Variants in CARS2 observed in about 807,000 individuals in gnomAD.
CARS2 encodes probable cysteine--tRNA ligase, mitochondrial.
Under a neutral mutation model 68.8 loss-of-function variants are expected in CARS2, and 52 were observed. The ratio of observed to expected loss-of-function variants is 0.76; its 90% CI spans 0.61 to 0.95. The LOEUF is 0.95. CARS2 is among the 40% of genes least tolerant of loss of function. The pLI is 0.00. For synonymous variants in CARS2, 314 were observed against 303.6 expected (o/e 1.03, Z -0.36); for missense variants, 780 against 754.2 (o/e 1.03, Z -0.40).
chr13:110,651,987 C>T (rs759688638), intron 9 of CARS2, among the ~76,000 whole-genome samples: 4 of 152,240 alleles, frequency 2.6e-5, no homozygotes, highest in African/African-American at 7.2e-5. Context: ...CGCGCTCCGA[C>T]GGGAGCCCGA....
Position 110,665,097 on chromosome 13 carries a change from T to C in CARS2, c.920-1579A>G. The C allele has an allele frequency of 1.0e-6, 1 of 985,420 alleles. No homozygotes were observed. The highest frequency in any genetic ancestry group is 1.2e-6 in the Non-Finnish European group (1 of 829,922). 61.0% of individuals were successfully genotyped at this position (985,420 alleles called of 1,614,324 possible). A position where few individuals can be genotyped will look rare whatever the true frequency, so the allele number is the denominator to read the frequency against. On this transcript the variant is annotated intron_variant, in intron 8 of 14. Transcript: ENST00000257347. This position sits in a 1 kb window ranked among gnomAD's most constrained non-coding sequence, Gnocchi z 4.3. ...GATGTTTTGTTTGGGGCCAAACTAGTATGAAAAAGATCGCTGGTATCTTAA... is the reference window on the plus strand; with the variant it reads ...GATGTTTTGTTTGGGGCCAAACTAGCATGAAAAAGATCGCTGGTATCTTAA...
At chr13:110,673,610 C>T (rs1420039081) in intron 7 of CARS2, among the ~76,000 whole-genome samples, 1 of 152,130 alleles carries the variant, frequency 6.6e-6, no homozygotes, top group East Asian at 1.9e-4. Context: ...CAATATCATA[C>T]TGAATGGGCA....
Position 110,642,445 on chromosome 13 carries a change from C to T in CARS2, c.1493G>A (p.Arg498Gln), listed in dbSNP as rs778546592. ...CTCGGGCATGGCCAGCGCAAACTGC[C>T]GGACCTTCTGCCGGAACCGCACCAG... ...DELVRFRQKVRQFALAMPEAT... is the reference protein window; with the variant it reads ...DELVRFRQKVQQFALAMPEAT... The change falls in exon 14 of 15, where the codon CGG (arginine) becomes CAG (glutamine). Residue 498 changes from arginine (R) to glutamine (Q), a missense_variant. Arg to Gln is a conservative substitution (Grantham distance 43, BLOSUM62 1). Transcript: ENST00000257347. The T allele has an allele frequency of 3.1e-5, 50 of 1,607,374 alleles. No homozygotes were observed. The highest frequency in any genetic ancestry group is 9.0e-5 in the East Asian group (4 of 44,604).
At chr13:110,642,599 T>C (rs1216913331) in intron 13 of CARS2, 78 bp from the exon 14 acceptor site, 4 of 1,413,958 alleles carry the variant, frequency 2.8e-6, no homozygotes, top group Non-Finnish European at 4.0e-6. Flanking sequence ...GTGGTTGGGC[T>C]CTGGGCCGAC....
intron 12 of CARS2, 35 bp downstream of exon 12, chr13:110,645,932 A>G: frequency 6.2e-7 from 1 of 1,603,708 alleles, no homozygotes; most frequent in South Asian, 1.1e-5. Context: ...TGCCCCTGGC[A>G]GCAGGACCGC....
At position 110,642,458 on chromosome 13, in the gene CARS2, G is replaced by A. The variant is rs200697273; in HGVS notation, c.1480C>T (p.Arg494Trp). 5.0e-6 allele frequency: 8 copies of A among 1,608,906 alleles called. No individual in the cohort carries two copies. The highest frequency in any genetic ancestry group is 2.2e-5 in the South Asian group (2 of 90,158). The change falls in exon 14 of 15, where the codon CGG becomes TGG. Residue 494 changes from arginine to tryptophan, a missense_variant. Coordinates refer to ENST00000257347, the MANE Select transcript of CARS2 (RefSeq NM_024537.4). The part of the protein sequence containing the change: ...HGVVDELVRF[R>W]QKVRQFALAM... ...AGCGCAAACTGCCGGACCTTCTGCC[G>A]GAACCGCACCAGCTCGTCCACCACA... is the stretch of plus-strand genomic sequence containing the variant.
chr13:110,645,918 C>T, intron 12 of CARS2, 49 bp downstream of exon 12: 1 of 1,598,348 alleles, frequency 6.3e-7, no homozygotes, highest in Non-Finnish European at 8.5e-7. Context: ...GAGGACCCGA[C>T]CCATGCCCCT....
In CARS2 at chr13:110,667,460, T is replaced by G; in HGVS notation, c.799A>C (p.Ser267Arg). The G allele has an allele frequency of 6.2e-7, 1 of 1,613,834 alleles. No individual in the cohort carries two copies. The highest frequency in any genetic ancestry group is 8.5e-7 in the Non-Finnish European group (1 of 1,179,856). The change falls in exon 8 of 15, where the codon AGT becomes CGT. Residue 267 changes from serine to arginine, a missense_variant. By Grantham distance (110) the Ser-to-Arg change is moderately radical. Coordinates refer to ENST00000257347, the MANE Select transcript of CARS2 (RefSeq NM_024537.4). ...CSAIASMVFG[S>R]QLDIHSGGID... is the part of the protein sequence containing the mutation. ...CCACCTGAATGGATATCCAGTTGACTTCCAAATACCATACTGCAAGACACA... is the reference window on the plus strand; with the variant it reads ...CCACCTGAATGGATATCCAGTTGACGTCCAAATACCATACTGCAAGACACA...
intron 14 of CARS2, 101 bp from the exon 15 acceptor site, chr13:110,641,709 G>A (rs1287641150): frequency 1.0e-5 from 10 of 952,596 alleles, no homozygotes; most frequent in African/African-American, 3.2e-5. Context: ...TTCCCTCACC[G>A]GCCTGTCCTA....
At chr13:110,647,677 G>A (rs1056596640) in intron 10 of CARS2, among the ~76,000 whole-genome samples, 11 of 152,290 alleles carry the variant, frequency 7.2e-5, no homozygotes, top group Non-Finnish European at 1.0e-4. Context: ...GCCTGTGTGT[G>A]ATGGGACAGC....
At chr13:110,697,117 C>A (rs545577530) in intron 3 of CARS2, among the ~76,000 whole-genome samples, 1 of 152,248 alleles carries the variant, frequency 6.6e-6, no homozygotes, top group Non-Finnish European at 1.5e-5. Flanking sequence ...CACGAAGCTA[C>A]CAAGTGCTTT....
chr13:110,676,857 A>G lies in CARS2; in HGVS notation c.785+117T>C. 7.5e-7 allele frequency: 1 copy of G among 1,325,166 alleles called. No homozygotes were observed. Among genetic ancestry groups the G allele is most frequent in the South Asian group, 1.7e-5 (1 of 58,712 alleles). The allele number at this position is 1,325,166 out of a possible 1,614,324, so 82.1% of individuals were successfully genotyped here. On this transcript the variant is annotated intron_variant, in intron 7 of 14. Transcript: ENST00000257347. This position sits in a 1 kb window ranked among gnomAD's most constrained non-coding sequence, Gnocchi z 4.0. ...CTCCGGCAAAAATCTCTTCCCAAAA[A>G]ATCACCCATGGGCACACGTGCCAGG...
rs1245035158 is a variant in CARS2 at position 110,650,874 on chromosome 13, G to A, written c.1054+160C>T. 1.1e-4 allele frequency: 63 copies of A among 595,820 alleles called. No individual in the cohort carries two copies. In the Admixed American group the frequency reaches 1.8e-3, roughly 17 times the overall value. The allele number at this position is 595,820 out of a possible 1,614,324, so 36.9% of individuals were successfully genotyped here. A position where few individuals can be genotyped will look rare whatever the true frequency, so the allele number is the denominator to read the frequency against. On this transcript the variant is annotated intron_variant, in intron 10 of 14. Transcript: ENST00000257347. ...GCCCAGACCAGCACTGGGATCCCTC[G>A]TCCTCTGGGTTCACTCTCAACCCGA...
chr13:110,690,786 C>T (rs895668590), intron 3 of CARS2, among the ~76,000 whole-genome samples: 1 of 152,222 alleles, frequency 6.6e-6, no homozygotes, highest in Non-Finnish European at 1.5e-5. Flanking sequence ...ACCAGCAACA[C>T]CTGGAGGTGT....
At chr13:110,651,148 C>A in intron 9 of CARS2, 48 bp from the exon 10 acceptor site, 1 of 1,303,650 alleles carries the variant, frequency 7.7e-7, no homozygotes, top group Non-Finnish European at 1.1e-6. Context: ...TTTTACGCTT[C>A]GCACTGTTCA....
rs140567973 is a variant in CARS2, at chr13:110,642,448, A to G, written c.1490T>C (p.Val497Ala). 1.1e-5 allele frequency: 18 copies of G among 1,607,802 alleles called. No individual in the cohort carries two copies. In the African/African-American group the frequency reaches 1.7e-4, roughly 16 times the overall value. The change falls in exon 14 of 15, where the codon GTC (valine) becomes GCC (alanine). Residue 497 changes from valine to alanine, a missense_variant. Val to Ala is a moderately conservative substitution (Grantham distance 64). Transcript: ENST00000257347. The stretch of plus-strand genomic sequence containing the variant: ...GGGCATGGCCAGCGCAAACTGCCGG[A>G]CCTTCTGCCGGAACCGCACCAGCTC... ...VDELVRFRQK[V>A]RQFALAMPEA...
chr13:110,643,151 G>C (rs914203230), intron 13 of CARS2: 2 of 210,032 alleles, frequency 9.5e-6, no homozygotes, highest in Non-Finnish European at 2.0e-5. Context: ...ATAAAAGACA[G>C]TTTTTGTTAT....
chr13:110,685,992 G>GAAAAAAAAAAAAAAAAAA (rs10668818), intron 5 of CARS2, among the ~76,000 whole-genome samples: 1 of 128,776 alleles, frequency 7.8e-6, no homozygotes, highest in African/African-American at 3.0e-5. Context: ...CAGAAAAAAT[G>GAAAAAAAAAAAAAAAAAA]AAAAAAAAAA....
upstream of CARS2, among the ~76,000 whole-genome samples, chr13:110,710,935 A>ATT (rs377250322): frequency 7.3e-3 from 1,093 of 149,730 alleles, 7 homozygotes; most frequent in African/African-American, 0.022. Flanking sequence ...CTGTGTTGTG[A>ATT]TTTTTTTTTT....
Sources: gnomAD v4.1 joint callset for allele counts (sites outside exome capture counted in the v4.1 genomes callset) on GRCh38, gnomAD v4.1.1 for gene constraint, Gnocchi (gnomAD v3.1) non-coding constraint, MANE v1.5 for transcripts, NCBI Gene and HGNC (gene_info 2026-07-23, HGNC 2026-07-21) for gene names.